RNF214: variants seen among roughly 807,000 people sequenced by gnomAD.
RNF214 encodes the protein ring finger protein 214.
RNF214 carries 25 observed loss-of-function variants against 75.9 expected under a neutral mutation model. That is an observed-to-expected ratio of 0.33 (90% CI 0.24 to 0.46). The LOEUF (loss-of-function observed/expected upper bound fraction) is 0.46, where lower values mean the gene tolerates loss of function less well. RNF214 is among the 20% of genes least tolerant of loss of function. The probability of loss-of-function intolerance (pLI) is 1.00; values close to 1 mark genes in which losing one functional copy is unlikely to be tolerated. For synonymous variants in RNF214, 314 were observed against 308.8 expected (o/e 1.02, Z -0.18); for missense variants, 725 against 857.5 (o/e 0.85, Z 1.93).
intron 4 of RNF214, among the ~76,000 whole-genome samples, chr11:117,242,946 A>T (rs930512721): frequency 1.2e-4 from 18 of 152,180 alleles, no homozygotes; most frequent in Non-Finnish European, 1.6e-4. Flanking sequence ...TCAGAAAAAT[A>T]TATACATTCA....
At chr11:117,243,237 A>C (rs2033128804) in intron 4 of RNF214, among the ~76,000 whole-genome samples, 2 of 152,052 alleles carry the variant, frequency 1.3e-5, no homozygotes, top group Non-Finnish European at 2.9e-5. Context: ...ACCTCTGCCT[A>C]CCAGGTTCAA....
chr11:117,235,275 C>T (rs1458654819), intron 2 of RNF214, among the ~76,000 whole-genome samples: 3 of 152,100 alleles, frequency 2.0e-5, no homozygotes, highest in Admixed American at 1.3e-4. Context: ...CGGCTCACTG[C>T]AAGCTCTGCC....
Position 117,280,223 on chromosome 11 carries a change from C to G in RNF214, c.1109C>G (p.Ala370Gly). 1 of 1,613,514 alleles carries G rather than the reference C, an allele frequency of 6.2e-7. No individual in the cohort carries two copies. Among genetic ancestry groups the G allele is most frequent in the Non-Finnish European group, 8.5e-7 (1 of 1,179,476 alleles). Reference protein sequence around the residue: ...KELLVLKLEEAEKEAELHLTY... With the variant: ...KELLVLKLEEGEKEAELHLTY... ...TTACTGGTACTGAAACTAGAAGAAG[C>G]AGAAAAAGAGGCAGAATTGCACCTT... The change falls in exon 8 of 15, where the codon GCA becomes GGA. Residue 370 changes from alanine to glycine, a missense_variant. By Grantham distance (60) the Ala-to-Gly change is moderately conservative (BLOSUM62 0). Coordinates refer to ENST00000300650, the MANE Select transcript of RNF214 (RefSeq NM_207343.4).
chr11:117,264,468 T>G lies in RNF214; in HGVS notation c.960-15440T>G, dbSNP rs1008862646. Among the ~76,000 whole-genome samples, 25 of 152,170 alleles carry G rather than the reference T, an allele frequency of 1.6e-4. 1 individual carries two copies. The highest frequency in any genetic ancestry group is 3.1e-4 in the Non-Finnish European group (21 of 68,032). ...AAGGGGTATATTTTGGAATGACATA[T>G]TCTGGTCACCTAAAGTTGTATTTTG... On this transcript the variant is annotated intron_variant, in intron 6 of 14. Coordinates refer to ENST00000300650, the MANE Select transcript of RNF214 (RefSeq NM_207343.4).
intron 6 of RNF214, among the ~76,000 whole-genome samples, chr11:117,260,115 G>A (rs1267860355): frequency 1.3e-5 from 2 of 151,708 alleles, no homozygotes; most frequent in African/African-American, 4.8e-5. Context: ...CACAACATTG[G>A]AATGTGTGTT....
At chr11:117,258,223 C>T (rs2033570469) in intron 6 of RNF214, among the ~76,000 whole-genome samples, 1 of 152,092 alleles carries the variant, frequency 6.6e-6, no homozygotes, top group Non-Finnish European at 1.5e-5. Context: ...TGCATGCCAC[C>T]ACACCCAGCT....
chr11:117,282,686 T>C, intron 12 of RNF214, 60 bp from the exon 13 acceptor site: 1 of 1,557,912 alleles, frequency 6.4e-7, no homozygotes, highest in Non-Finnish European at 8.8e-7. Context: ...AAGTGATTTT[T>C]GTGATATGCT....
intron 6 of RNF214, among the ~76,000 whole-genome samples, chr11:117,276,765 A>C (rs980977658): frequency 1.3e-5 from 2 of 152,222 alleles, no homozygotes; most frequent in Non-Finnish European, 2.9e-5. Flanking sequence ...GATTTTTCTA[A>C]TATAAGTTTA....
intron 2 of RNF214, among the ~76,000 whole-genome samples, chr11:117,237,579 G>A (rs2032944886): frequency 6.6e-6 from 1 of 152,146 alleles, no homozygotes; most frequent in South Asian, 2.1e-4. Context: ...AATGTTGGAT[G>A]TCATTGTAAA....
intron 6 of RNF214, chr11:117,263,712 G>A (rs890228051): frequency 1.3e-5 from 2 of 159,264 alleles, no homozygotes; most frequent in Non-Finnish European, 2.7e-5. Context: ...CTTCTAGGGG[G>A]TGGCAGAAAC....
At chr11:117,247,150 A>G (rs75715081) in intron 6 of RNF214, among the ~76,000 whole-genome samples, 6,119 of 152,282 alleles carry the variant, frequency 0.04, 385 homozygotes, top group African/African-American at 0.14. Context: ...TTTATTAAAT[A>G]CTTTGAAATA....
intron 3 of RNF214, 28 bp from the exon 4 acceptor site, chr11:117,239,772 AT>A (rs2033020786): frequency 1.6e-6 from 2 of 1,277,100 alleles, no homozygotes; most frequent in Non-Finnish European, 2.3e-6. Context: ...TCTCTGAACG[AT>A]TCTAAATATA....
intron 6 of RNF214, among the ~76,000 whole-genome samples, chr11:117,279,519 T>C (rs909421479): frequency 2.0e-5 from 3 of 152,096 alleles, no homozygotes; most frequent in African/African-American, 2.4e-5. Context: ...GTATTTTTAG[T>C]AGAGATGGGG....
chr11:117,232,824 A>G (rs1217444285), intron 1 of RNF214, 98 bp downstream of exon 1: 1 of 144,654 alleles, frequency 6.9e-6, no homozygotes, highest in Non-Finnish European at 1.5e-5. Context: ...AGGGCCGGGC[A>G]TGGGGGTCGG....
At chr11:117,279,102 A>G (rs2034074324) in intron 6 of RNF214, among the ~76,000 whole-genome samples, 1 of 152,108 alleles carries the variant, frequency 6.6e-6, no homozygotes, top group African/African-American at 2.4e-5. Context: ...GTCTATAAAA[A>G]ACAAACAAAC....
intron 2 of RNF214, among the ~76,000 whole-genome samples, chr11:117,234,694 A>C (rs1292036024): frequency 1.3e-5 from 2 of 152,268 alleles, no homozygotes; most frequent in Admixed American, 6.5e-5. Flanking sequence ...ATATATGAGA[A>C]ATGTTATATC....
At chr11:117,247,337 A>T (rs962483671) in intron 6 of RNF214, among the ~76,000 whole-genome samples, 51 of 151,564 alleles carry the variant, frequency 3.4e-4, no homozygotes, top group Middle Eastern at 3.4e-3. Context: ...AAAAAATATT[A>T]AAAAAAAATT....
chr11:117,282,609 G>C, intron 12 of RNF214, 73 bp downstream of exon 12: 1 of 1,578,218 alleles, frequency 6.3e-7, no homozygotes, highest in Non-Finnish European at 8.6e-7. Flanking sequence ...AGAAAAATGT[G>C]GGGTGGGAAG....
At chr11:117,258,024 T>C (rs1207666644) in intron 6 of RNF214, among the ~76,000 whole-genome samples, 1 of 152,190 alleles carries the variant, frequency 6.6e-6, no homozygotes, top group Non-Finnish European at 1.5e-5. Context: ...ACTACAGTTG[T>C]TTTTGTCAGC....
Sources: allele counts gnomAD v4.1 joint callset (sites outside exome capture counted in the v4.1 genomes callset), GRCh38; gene constraint gnomAD v4.1.1; transcripts MANE v1.5; gene names NCBI Gene and HGNC (gene_info 2026-07-23, HGNC 2026-07-21).